MRPL3: variants seen among roughly 807,000 people sequenced by gnomAD.
MRPL3 encodes large ribosomal subunit protein uL3m.
Under a neutral mutation model 44.3 loss-of-function variants are expected in MRPL3, and 43 were observed. The observed-to-expected ratio is 0.97, with a 90% confidence interval of 0.76 to 1.25. The LOEUF (loss-of-function observed/expected upper bound fraction) is 1.25. Ranked by LOEUF, MRPL3 falls within the 50% of genes most tolerant of loss-of-function variation. MRPL3 has a pLI of 0.00. For synonymous variants in MRPL3, 171 were observed against 152.3 expected, an observed-to-expected ratio of 1.12 and a Z score of -0.91; for missense variants, 406 against 427.6, an observed-to-expected ratio of 0.95 and a Z score of 0.45.
At chr3:131,491,732 A>G (rs2110711385) in intron 4 of MRPL3, among the ~76,000 whole-genome samples, 1 of 152,050 alleles carries the variant, frequency 6.6e-6, no homozygotes, top group South Asian at 2.1e-4. Flanking sequence ...CCCCATCCCA[A>G]TGTCAACCTC....
chr3:131,470,953 A>T (rs904518496), intron 7 of MRPL3, among the ~76,000 whole-genome samples: 2 of 152,156 alleles, frequency 1.3e-5, no homozygotes, highest in African/African-American at 4.8e-5. Flanking sequence ...ATATACAGCC[A>T]AACTACAGAT....
At chr3:131,471,337 T>C in intron 6 of MRPL3, 58 bp from the exon 7 acceptor site, 1 of 1,182,174 alleles carries the variant, frequency 8.5e-7, no homozygotes, top group Non-Finnish European at 1.3e-6. Flanking sequence ...CATTCCCAAT[T>C]GTACACTTTC....
At chr3:131,479,952 T>C (rs1050911352) in intron 6 of MRPL3, among the ~76,000 whole-genome samples, 4 of 152,120 alleles carry the variant, frequency 2.6e-5, no homozygotes, top group Non-Finnish European at 5.9e-5. Flanking sequence ...GATATAATAA[T>C]CACTTTACTA....
chr3:131,462,753 C>A lies in MRPL3; in HGVS notation c.1017G>T (p.Gln339His), dbSNP rs1464788559. The A allele has an allele frequency of 6.2e-7, 1 of 1,612,224 alleles. No individual in the cohort carries two copies. Among genetic ancestry groups the A allele is most frequent in the Non-Finnish European group, 8.5e-7 (1 of 1,178,912 alleles). Residue 339 changes from glutamine to histidine, a missense_variant, in exon 10 of 10, where the codon CAG becomes CAT. Physicochemically the swap from Gln to His is conservative, Grantham distance 24. Coordinates refer to ENST00000264995, the MANE Select transcript of MRPL3 (RefSeq NM_007208.4). ...PEDLYDENVCQPGAPSITFA is the reference protein window; with the variant it reads ...PEDLYDENVCHPGAPSITFA Reference sequence around the variant, plus strand: ...CAAATGTAATAGAAGGCGCACCGGGCTGACACACGTTTTCATCATACAAAT... The same window carrying A: ...CAAATGTAATAGAAGGCGCACCGGGATGACACACGTTTTCATCATACAAAT...
At chr3:131,463,814 A>G (rs1440688649) in intron 9 of MRPL3, among the ~76,000 whole-genome samples, 1 of 152,140 alleles carries the variant, frequency 6.6e-6, no homozygotes, top group African/African-American at 2.4e-5. Flanking sequence ...ATTCTTCAGA[A>G]CTTCTGACTC....
At chr3:131,495,469 C>T (rs956940012) in intron 4 of MRPL3, among the ~76,000 whole-genome samples, 2 of 152,050 alleles carry the variant, frequency 1.3e-5, no homozygotes, top group African/African-American at 4.8e-5. Context: ...GAAGGTCCTT[C>T]GCAGTACTTT....
chr3:131,498,913 T>A lies in MRPL3; in HGVS notation c.370-636A>T, dbSNP rs140289549. Among the ~76,000 whole-genome samples, 18 of 152,178 alleles carry A rather than the reference T, an allele frequency of 1.2e-4. No individual in the cohort carries two copies. In the East Asian group the frequency reaches 3.3e-3, roughly 28 times the overall value. Reference sequence around the variant, plus strand: ...GTCACCAGACAAGCAGTGTCAGGATTCCCTGGGAACTTAATAAAGACACTG... The same window carrying A: ...GTCACCAGACAAGCAGTGTCAGGATACCCTGGGAACTTAATAAAGACACTG... On this transcript the variant is annotated intron_variant, in intron 3 of 9. Coordinates refer to ENST00000264995, the MANE Select transcript of MRPL3 (RefSeq NM_007208.4).
In MRPL3 at chr3:131,468,177, T is replaced by C; in HGVS notation, c.817-9A>G. The C allele has an allele frequency of 6.4e-7, 1 of 1,564,492 alleles. No homozygotes were observed. Among genetic ancestry groups the C allele is most frequent in the African/African-American group, 1.4e-5 (1 of 72,192 alleles). On this transcript the variant is annotated splice_polypyrimidine_tract_variant and intron_variant, in intron 8 of 9. Coordinates refer to ENST00000264995, the MANE Select transcript of MRPL3 (RefSeq NM_007208.4). ...GTGTTTATTCTCCACACCTAAAGCA[T>C]GAAATAAAACCAAAAATTTTAGGAT...
rs2110696575 is a variant in MRPL3 at position 131,471,202 on chromosome 3, G to C, written c.707C>G (p.Thr236Ser). Reference protein sequence around the residue: ...GQPATHGQTKTHRRPGAVATG... With the variant: ...GQPATHGQTKSHRRPGAVATG... ...TGCAACAGCTCCAGGTCTCCTGTGG[G>C]TTTTCGTTTGACCATGCGTAGCAGG... The change falls in exon 7 of 10, where the codon ACC becomes AGC. Residue 236 changes from threonine (T) to serine (S), a missense_variant. Thr to Ser is a moderately conservative substitution (Grantham distance 58). Transcript: ENST00000264995. 1 of 1,613,242 alleles carries C rather than the reference G, an allele frequency of 6.2e-7. No homozygotes were observed. Among genetic ancestry groups the C allele is most frequent in the Non-Finnish European group, 8.5e-7 (1 of 1,179,434 alleles).
Position 131,490,421 on chromosome 3 carries a change from G to A in MRPL3, c.469-341C>T, listed in dbSNP as rs73203916. 6.3e-3 allele frequency among the ~76,000 whole-genome samples: 966 copies of A among 152,126 alleles called. 9 individuals are homozygous for A. Among genetic ancestry groups the A allele is most frequent in the Middle Eastern group, 0.058 (17 of 294 alleles). ...TGTCTGAATTAAGAACCCAAACCCC[G>A]AAAAATCAACTCTGCCTATTCTGCA... On this transcript the variant is annotated intron_variant, in intron 4 of 9. Coordinates refer to ENST00000264995, the MANE Select transcript of MRPL3 (RefSeq NM_007208.4).
At chr3:131,487,256 C>T (rs1934147272) in intron 6 of MRPL3, 1 of 158,610 alleles carries the variant, frequency 6.3e-6, no homozygotes, top group Admixed American at 6.5e-5. Flanking sequence ...ACAATGAGAA[C>T]ACTTGGACAC....
intron 4 of MRPL3, among the ~76,000 whole-genome samples, chr3:131,492,043 AC>A (rs756985264): frequency 7.9e-5 from 12 of 151,936 alleles, no homozygotes; most frequent in Non-Finnish European, 1.3e-4. Flanking sequence ...TAGCCTCAAG[AC>A]CTTTGCGCAT....
At chr3:131,494,836 T>C (rs1934332362) in intron 4 of MRPL3, among the ~76,000 whole-genome samples, 1 of 152,154 alleles carries the variant, frequency 6.6e-6, no homozygotes, top group African/African-American at 2.4e-5. Context: ...GTAAATGATT[T>C]CAAAAGGCAA....
At position 131,486,364 on chromosome 3, in the gene MRPL3, CAAAAAAAA is replaced by C. The variant is rs36151946; in HGVS notation, c.629+1308_629+1315del. On this transcript the variant is annotated intron_variant, in intron 6 of 9. Transcript: ENST00000264995. ...ATTAAACCAAAGAGCTTCTGCACGG[CAAAAAAAA>C]AAAAAAAAAAAAAAAAAAACCAAAA... Among the ~76,000 whole-genome samples the C allele has an allele frequency of 2.8e-4, 13 of 46,710 alleles. No homozygotes were observed. In the East Asian group the frequency reaches 0.014, roughly 49 times the overall value. 30.6% of individuals were successfully genotyped at this position (46,710 alleles called of 152,430 possible). A position where few individuals can be genotyped will look rare whatever the true frequency, so the allele number is the denominator to read the frequency against.
intron 4 of MRPL3, among the ~76,000 whole-genome samples, chr3:131,492,412 CA>C (rs1363800079): frequency 6.6e-6 from 1 of 152,150 alleles, no homozygotes; most frequent in African/African-American, 2.4e-5. Context: ...ACCATTTTTC[CA>C]CAGACCAGTG....
intron 4 of MRPL3, among the ~76,000 whole-genome samples, chr3:131,492,538 G>A (rs1406079390): frequency 6.6e-6 from 1 of 152,128 alleles, no homozygotes; most frequent in African/African-American, 2.4e-5. Flanking sequence ...CTCCTATAGG[G>A]TTTGCGCTCC....
chr3:131,492,929 C>T (rs1223513363), intron 4 of MRPL3, among the ~76,000 whole-genome samples: 1 of 152,160 alleles, frequency 6.6e-6, no homozygotes, highest in African/African-American at 2.4e-5. Flanking sequence ...GGGTCTTCCC[C>T]CCACCTTAAT....
rs1273783395 is a variant in MRPL3 at position 131,487,863 on chromosome 3, T to C, written c.569-123A>G. On this transcript the variant is annotated intron_variant, in intron 5 of 9. Coordinates refer to ENST00000264995, the MANE Select transcript of MRPL3 (RefSeq NM_007208.4). ...TCAAAAATGGTAAGAGATTCTCTTC[T>C]GCAATTAGAAACATCCAAACAATGA... 12 of 685,196 alleles carry C rather than the reference T, an allele frequency of 1.8e-5. No homozygotes were observed. The East Asian group carries it at 3.4e-4, about 19-fold the overall frequency. The allele number at this position is 685,196 out of a possible 1,614,324, so 42.4% of individuals were successfully genotyped here. A position where few individuals can be genotyped will look rare whatever the true frequency, so the allele number is the denominator to read the frequency against.
chr3:131,466,797 A>ATCC (rs1933618707), intron 9 of MRPL3, among the ~76,000 whole-genome samples: 1 of 152,110 alleles, frequency 6.6e-6, no homozygotes, highest in Non-Finnish European at 1.5e-5. Flanking sequence ...TAAAATCAGG[A>ATCC]TAACTAGCAT....
Sources: allele counts gnomAD v4.1 joint callset (sites outside exome capture counted in the v4.1 genomes callset), GRCh38; gene constraint gnomAD v4.1.1; transcripts MANE v1.5; gene names NCBI Gene and HGNC (gene_info 2026-07-23, HGNC 2026-07-21).